LRRC53: variants seen among roughly 807,000 people sequenced by gnomAD.
LRRC53 encodes leucine-rich repeat-containing protein 53.
Under a neutral mutation model 13.6 loss-of-function variants are expected in LRRC53, and 25 were observed. That is an observed-to-expected ratio of 1.83 (90% CI 1.34 to 2.56). The LOEUF is 2.56. Ranked by LOEUF, LRRC53 falls within the 30% of genes most tolerant of loss-of-function variation. The pLI is 0.00. For missense variants in LRRC53, 527 were observed against 275.8 expected (o/e 1.91, Z -6.45); for synonymous variants, 204 against 109.8 (o/e 1.86, Z -5.37).
At chr1:74,524,327 A>C in the LRRC53 span, among the ~76,000 whole-genome samples, 1 of 152,184 alleles carries the variant, frequency 6.6e-6, no homozygotes, top group Non-Finnish European at 1.5e-5. Context: ...GCCTGCCAGA[A>C]ACAGAGGGGG....
At chr1:74,532,076 A>G in the LRRC53 span, among the ~76,000 whole-genome samples, 5 of 152,310 alleles carry the variant, frequency 3.3e-5, no homozygotes, top group Middle Eastern at 3.4e-3. Flanking sequence ...TTTCTGCTCA[A>G]CATAGCCCAG....
the LRRC53 span, among the ~76,000 whole-genome samples, chr1:74,520,293 A>G: frequency 1.3e-5 from 2 of 152,168 alleles, no homozygotes; most frequent in Non-Finnish European, 2.9e-5. Flanking sequence ...ATTTTAAGAT[A>G]TGGCATTTAA....
chr1:74,473,425 T>G (rs1379430595), intron 4 of LRRC53, among the ~76,000 whole-genome samples: 1 of 152,168 alleles, frequency 6.6e-6, no homozygotes, highest in Non-Finnish European at 1.5e-5. Flanking sequence ...TGAAATTTTT[T>G]CATCCAGAGG....
At chr1:74,489,381 T>A in intron 1 of LRRC53, 1 of 851,942 alleles carries the variant, frequency 1.2e-6, no homozygotes, top group Non-Finnish European at 1.7e-6. Context: ...TTTGCCCTAT[T>A]CATTAAATTC....
At chr1:74,517,153 G>A (rs1229633781), upstream of LRRC53, among the ~76,000 whole-genome samples, 1 of 151,966 alleles carries the variant, frequency 6.6e-6, no homozygotes, top group Non-Finnish European at 1.5e-5. Flanking sequence ...ACACCTGTGG[G>A]CACTTTCTAT....
intron 1 of LRRC53, among the ~76,000 whole-genome samples, chr1:74,509,361 A>C (rs1052415660): frequency 5.9e-5 from 9 of 152,226 alleles, no homozygotes; most frequent in African/African-American, 9.6e-5. Context: ...AATCCCTGAA[A>C]ATAAAGCGAT....
chr1:74,507,230 C>G (rs45609532), intron 1 of LRRC53, among the ~76,000 whole-genome samples: 12,966 of 140,352 alleles, frequency 0.092, 1,521 homozygotes, highest in African/African-American at 0.27. Context: ...TTCACCCCCC[C>G]CCCATCTTTT....
chr1:74,517,298 C>T (rs778562377), upstream of LRRC53, among the ~76,000 whole-genome samples: 1 of 152,110 alleles, frequency 6.6e-6, no homozygotes, highest in Non-Finnish European at 1.5e-5. Flanking sequence ...GCCTCATTAA[C>T]GTTCATTAGA....
rs900675603 is a variant in LRRC53 at position 74,481,085 on chromosome 1, A to G, written c.89-117T>C. 3 of 586,980 alleles carry G rather than the reference A, an allele frequency of 5.1e-6. No individual in the cohort carries two copies. In the African/African-American group the frequency reaches 5.6e-5, roughly 11 times the overall value. The allele number at this position is 586,980 out of a possible 1,614,324, so 36.4% of individuals were successfully genotyped here. On this transcript the variant is annotated intron_variant, in intron 2 of 4. Coordinates refer to ENST00000294635, the MANE Select transcript of LRRC53 (RefSeq NM_001382280.1). Reference sequence around the variant, plus strand: ...CAATCTTATCACCTGGGTAAAAACAATAAACAATACAAAAAATGAAAATGA... The same window carrying G: ...CAATCTTATCACCTGGGTAAAAACAGTAAACAATACAAAAAATGAAAATGA...
At chr1:74,495,040 A>G (rs1461577903) in intron 1 of LRRC53, among the ~76,000 whole-genome samples, 3 of 152,144 alleles carry the variant, frequency 2.0e-5, no homozygotes, top group African/African-American at 7.2e-5. Flanking sequence ...TTTTCAAAAA[A>G]CCTACATGCT....
intron 1 of LRRC53, among the ~76,000 whole-genome samples, chr1:74,485,528 C>T (rs1244886482): frequency 6.6e-6 from 1 of 152,072 alleles, no homozygotes; most frequent in Non-Finnish European, 1.5e-5. Flanking sequence ...ATTCCTGTCC[C>T]CTGGTGTACA....
At chr1:74,516,607 C>A (rs11210475), upstream of LRRC53, among the ~76,000 whole-genome samples, 1 of 152,014 alleles carries the variant, frequency 6.6e-6, no homozygotes, top group Non-Finnish European at 1.5e-5. Flanking sequence ...AGACCTGGAC[C>A]GTGGGACCTT....
chr1:74,506,209 A>G (rs547809670), intron 1 of LRRC53, among the ~76,000 whole-genome samples: 120 of 152,356 alleles, frequency 7.9e-4, no homozygotes, highest in Non-Finnish European at 1.5e-3. Context: ...AGAAATGTGT[A>G]TTCAAACATA....
At chr1:74,502,670 G>A (rs1204669668) in intron 1 of LRRC53, among the ~76,000 whole-genome samples, 3 of 152,138 alleles carry the variant, frequency 2.0e-5, no homozygotes, top group African/African-American at 7.2e-5. Flanking sequence ...CTCTGTCTAT[G>A]GCCAATAGCC....
intron 1 of LRRC53, among the ~76,000 whole-genome samples, chr1:74,493,394 A>T (rs1230102620): frequency 6.6e-6 from 1 of 152,212 alleles, no homozygotes; most frequent in Non-Finnish European, 1.5e-5. Flanking sequence ...AAGCAAAAAC[A>T]AAAAGATTAA....
the LRRC53 span, among the ~76,000 whole-genome samples, chr1:74,535,345 C>A: frequency 1.3e-5 from 2 of 152,100 alleles, no homozygotes; most frequent in Non-Finnish European, 2.9e-5. Context: ...GTGGCACATG[C>A]CTGTAATCCC....
At chr1:74,505,114 G>T (rs1669827215) in intron 1 of LRRC53, among the ~76,000 whole-genome samples, 3 of 152,236 alleles carry the variant, frequency 2.0e-5, no homozygotes, top group African/African-American at 7.2e-5. Context: ...GGAGGGCCCG[G>T]GCCCACTCTT....
At chr1:74,516,544 G>C (rs11210474), upstream of LRRC53, among the ~76,000 whole-genome samples, 12,398 of 152,042 alleles carry the variant, frequency 0.082, 1,117 homozygotes, top group African/African-American at 0.22. Flanking sequence ...CCTATATGAG[G>C]CAGGGAGCAA....
chr1:74,529,195 T>C, the LRRC53 span, among the ~76,000 whole-genome samples: 934 of 152,250 alleles, frequency 6.1e-3, 11 homozygotes, highest in African/African-American at 0.02. Context: ...AAAAGAGTAA[T>C]TTTATAGTGT....
Sources: allele counts gnomAD v4.1 joint callset (sites outside exome capture counted in the v4.1 genomes callset), GRCh38; gene constraint gnomAD v4.1.1; transcripts MANE v1.5; gene names NCBI Gene and HGNC (gene_info 2026-07-23, HGNC 2026-07-21).